The following HERC1 variants were observed in gnomAD, a reference collection of about 807,000 sequenced individuals.
HERC1 encodes HECT and RLD domain containing E3 ubiquitin protein ligase family member 1.
A neutral mutation model predicts 554.3 loss-of-function variants in HERC1; 160 were observed. The ratio of observed to expected loss-of-function variants is 0.29; its 90% CI spans 0.25 to 0.33. The LOEUF (loss-of-function observed/expected upper bound fraction) is 0.33, where lower values mean the gene tolerates loss of function less well. HERC1 is among the 10% of genes least tolerant of loss of function. The pLI is 1.00. For missense variants in HERC1, 4,919 were observed against 5,918.5 expected (o/e 0.83, Z 5.54); for synonymous variants, 2,175 against 2,131.7 (o/e 1.02, Z -0.56).
chr15:63,697,976 T>A (rs539275458), intron 26 of HERC1, among the ~76,000 whole-genome samples: 1 of 152,194 alleles, frequency 6.6e-6, no homozygotes, highest in Admixed American at 6.5e-5. Context: ...GAAGATACTT[T>A]AAGGCTATGC....
intron 1 of HERC1, among the ~76,000 whole-genome samples, chr15:63,784,033 T>C (rs2076365527): frequency 6.8e-6 from 1 of 146,488 alleles, no homozygotes; most frequent in Admixed American, 6.9e-5. Flanking sequence ...GCCACTGCAC[T>C]CCAGCCTGGT....
chr15:63,821,844 G>C (rs896034843), intron 1 of HERC1, among the ~76,000 whole-genome samples: 6 of 151,980 alleles, frequency 3.9e-5, no homozygotes, highest in African/African-American at 1.5e-4. Flanking sequence ...TTTCTAGGCA[G>C]TGGAATAAAC....
chr15:63,687,231 G>T (rs1013261169), intron 33 of HERC1, among the ~76,000 whole-genome samples: 1 of 152,154 alleles, frequency 6.6e-6, no homozygotes, highest in African/African-American at 2.4e-5. Context: ...GGATATCCCT[G>T]CAAGTTCAGG....
chr15:63,687,523 G>A (rs1399965990), intron 33 of HERC1, among the ~76,000 whole-genome samples: 1 of 151,562 alleles, frequency 6.6e-6, no homozygotes, highest in African/African-American at 2.4e-5. Flanking sequence ...GGGTGACAGA[G>A]CGAGACTCTG....
intron 1 of HERC1, among the ~76,000 whole-genome samples, chr15:63,821,726 CAAAAAAAAAAAA>C (rs35074987): frequency 1.6e-5 from 1 of 62,470 alleles, no homozygotes; most frequent in East Asian, 6.4e-4. Context: ...TACCCTGTCT[CAAAAAAAAAAAA>C]AAAAAAAAAA....
intron 1 of HERC1, among the ~76,000 whole-genome samples, chr15:63,789,670 C>T (rs952508772): frequency 6.6e-6 from 1 of 151,492 alleles, no homozygotes; most frequent in Admixed American, 6.6e-5. Context: ...TTGTGGCGGG[C>T]ACCTGTAATC....
At chr15:63,752,094 G>A (rs753531533) in intron 8 of HERC1, among the ~76,000 whole-genome samples, 3 of 152,262 alleles carry the variant, frequency 2.0e-5, no homozygotes, top group East Asian at 1.9e-4. Flanking sequence ...TGAGAAACAC[G>A]TAGAAGAGAT....
rs186236651 is a variant in HERC1 at position 63,689,637 on chromosome 15, G to A, written c.6000C>T (p.Ala2000=). 650 of 1,587,412 alleles carry A rather than the reference G, an allele frequency of 4.1e-4. 4 individuals carry two copies. The African/African-American group carries it at 8.3e-3, about 20-fold the overall frequency. Residue 2000 remains alanine (A), a synonymous_variant, in exon 33 of 78, where the codon GCC becomes GCT. Coordinates refer to ENST00000443617, the MANE Select transcript of HERC1 (RefSeq NM_003922.4). ...DCMWETPIAQ[A]KHAIQIKEKE... Reference sequence around the variant, plus strand: ...TTTCCTTTATCTGAATAGCATGTTTGGCCTGAGCAATGGGTGTCTCCCACA... The same window carrying A: ...TTTCCTTTATCTGAATAGCATGTTTAGCCTGAGCAATGGGTGTCTCCCACA...
At chr15:63,675,565 C>G (rs1329410802) in intron 37 of HERC1, among the ~76,000 whole-genome samples, 5 of 152,142 alleles carry the variant, frequency 3.3e-5, no homozygotes, top group Non-Finnish European at 5.9e-5. Context: ...TTGATGTAAG[C>G]TATTCAGAAA....
Position 63,725,306 on chromosome 15 carries a change from T to A in HERC1, c.3554A>T (p.Asp1185Val). 1 of 1,613,654 alleles carries A rather than the reference T, an allele frequency of 6.2e-7. No homozygotes were observed. Among genetic ancestry groups the A allele is most frequent in the Non-Finnish European group, 8.5e-7 (1 of 1,179,686 alleles). The change falls in exon 18 of 78, where the codon GAC (aspartate) becomes GTC (valine). Residue 1185 changes from aspartate to valine, a missense_variant. This residue lies in a region of HERC1 where 1,121 missense variants were observed against 1,244.0 expected (regional missense o/e 0.90). Coordinates refer to ENST00000443617, the MANE Select transcript of HERC1 (RefSeq NM_003922.4). Reference sequence around the variant, plus strand: ...AAGCACATTACCCAATTGAGGAGTGTCCATTTCTACACCGTCACTGAACAG... The same window carrying A: ...AAGCACATTACCCAATTGAGGAGTGACCATTTCTACACCGTCACTGAACAG... ...TPLFSDGVEM[D>V]TPQLDKCMSC...
At chr15:63,629,210 A>G (rs1341365984) in intron 69 of HERC1, among the ~76,000 whole-genome samples, 2 of 152,182 alleles carry the variant, frequency 1.3e-5, no homozygotes, top group African/African-American at 2.4e-5. Context: ...TTGGCCTCCC[A>G]AAGTGCTGGG....
intron 46 of HERC1, among the ~76,000 whole-genome samples, chr15:63,660,381 G>C (rs1302360944): frequency 6.6e-6 from 1 of 152,160 alleles, no homozygotes. Flanking sequence ...CAGATGGACT[G>C]AAAGTCCAGT....
At chr15:63,681,061 T>G (rs2071450921) in intron 34 of HERC1, among the ~76,000 whole-genome samples, 3 of 152,216 alleles carry the variant, frequency 2.0e-5, no homozygotes, top group Non-Finnish European at 2.9e-5. Flanking sequence ...AGGAAGTATG[T>G]TTAGTCCAGA....
rs141007352 is a variant in HERC1 at position 63,779,308 on chromosome 15, A to G, written c.-26-3659T>C. Reference sequence around the variant, plus strand: ...GACAATCAACTCCAAGAAATAGCCTAGAAAAACTATTATATTTCAAAGACA... The same window carrying G: ...GACAATCAACTCCAAGAAATAGCCTGGAAAAACTATTATATTTCAAAGACA... On this transcript the variant is annotated intron_variant, in intron 1 of 77. Transcript: ENST00000443617. Among the ~76,000 whole-genome samples the G allele has an allele frequency of 2.0e-3, 309 of 152,308 alleles. 1 individual carries two copies. Among genetic ancestry groups the G allele is most frequent in the African/African-American group, 7.1e-3 (296 of 41,570 alleles).
intron 33 of HERC1, 147 bp downstream of exon 33, chr15:63,689,442 G>GA: frequency 3.6e-6 from 2 of 559,868 alleles, no homozygotes; most frequent in South Asian, 4.8e-5. Context: ...TGAGGGGAGG[G>GA]AATCAGTGGA....
intron 2 of HERC1, among the ~76,000 whole-genome samples, chr15:63,766,115 C>A (rs1451724444): frequency 1.4e-4 from 21 of 151,938 alleles, no homozygotes; most frequent in Admixed American, 1.2e-3. Flanking sequence ...TCAGGATCTA[C>A]TAATAAAGCT....
At chr15:63,688,834 A>C (rs1426186617) in intron 33 of HERC1, among the ~76,000 whole-genome samples, 1 of 152,136 alleles carries the variant, frequency 6.6e-6, no homozygotes, top group East Asian at 1.9e-4. Flanking sequence ...TGCGTTTGGG[A>C]AACTAGGTGA....
rs146878597 is a variant in HERC1, at chr15:63,707,588, T to C, written c.4585-757A>G. Among the ~76,000 whole-genome samples, 413 of 152,244 alleles carry C rather than the reference T, an allele frequency of 2.7e-3. 1 individual carries two copies. Among genetic ancestry groups the C allele is most frequent in the African/African-American group, 9.3e-3 (388 of 41,540 alleles). On this transcript the variant is annotated intron_variant, in intron 24 of 77. Transcript: ENST00000443617. ...ATTATGGTATCAGCAATTTCAATTG[T>C]ACTCTATCATACAATCCAAAAAGCT... is the stretch of plus-strand genomic sequence containing the variant.
Position 63,680,648 on chromosome 15 carries a change from G to A in HERC1, c.6354C>T (p.Leu2118=), listed in dbSNP as rs1340416896. 4 of 1,613,808 alleles carry A rather than the reference G, an allele frequency of 2.5e-6. No homozygotes were observed. Among genetic ancestry groups the A allele is most frequent in the Non-Finnish European group, 3.4e-6 (4 of 1,179,802 alleles). The change falls in exon 35 of 78, where the codon CTC becomes CTT. Residue 2118 remains leucine, a synonymous_variant. Transcript: ENST00000443617. The surrounding 1 kb of genome is among the most constrained non-coding windows in gnomAD (Gnocchi z 5.8). The stretch of plus-strand genomic sequence containing the variant: ...TGAGAGTCTGTTCTCCATTGTGATA[G>A]AGGTTACCACTGTAGGCCCTATAGA... ...MWLYRAYSGN[L]YHNGEQTLTL...
Sources: gnomAD v4.1 joint callset for allele counts (sites outside exome capture counted in the v4.1 genomes callset) on GRCh38, gnomAD v4.1.1 for gene constraint, gnomAD v4.1.1 regional missense constraint, Gnocchi (gnomAD v3.1) non-coding constraint, MANE v1.5 for transcripts, NCBI Gene and HGNC (gene_info 2026-07-23, HGNC 2026-07-21) for gene names.